PDE4D: variants seen among roughly 807,000 people sequenced by gnomAD.
PDE4D encodes the protein phosphodiesterase 4D.
PDE4D carries 24 observed loss-of-function variants against 87.4 expected under a neutral mutation model. The observed-to-expected ratio is 0.27, with a 90% CI of 0.20 to 0.39. The LOEUF (loss-of-function observed/expected upper bound fraction) is 0.39, where lower values mean the gene tolerates loss of function less well. PDE4D is among the 10% of genes least tolerant of loss of function. The probability of loss-of-function intolerance (pLI) is 1.00; values close to 1 mark genes in which losing one functional copy is unlikely to be tolerated. For missense variants in PDE4D, 714 were observed against 1,041.0 expected (o/e 0.69, Z 4.32); for synonymous variants, 384 against 383.2 (o/e 1.00, Z -0.02).
At chr5:60,193,631 C>A (rs1785380089) in intron 1 of PDE4D, among the ~76,000 whole-genome samples, 1 of 121,518 alleles carries the variant, frequency 8.2e-6, no homozygotes, top group African/African-American at 3.2e-5. Flanking sequence ...GAGATTGCGC[C>A]ACTGCACTCC....
chr5:60,345,041 G>C (rs1228555006), intron 1 of PDE4D, among the ~76,000 whole-genome samples: 1 of 151,632 alleles, frequency 6.6e-6, no homozygotes, highest in Non-Finnish European at 1.5e-5. Context: ...ATGTAGTTGA[G>C]ATTATACTAT....
At chr5:59,356,962 T>C in intron 1 of PDE4D, 1 of 1,320,726 alleles carries the variant, frequency 7.6e-7, no homozygotes, top group Non-Finnish European at 9.8e-7. Flanking sequence ...GTGAGGGCAT[T>C]TCCTTTGTGC....
intron 2 of PDE4D, among the ~76,000 whole-genome samples, chr5:60,137,312 A>G (rs1780140244): frequency 6.6e-6 from 1 of 152,208 alleles, no homozygotes; most frequent in Non-Finnish European, 1.5e-5. Flanking sequence ...TTGGGTATAT[A>G]CCCAGTAATG....
chr5:59,767,064 T>A (rs1396856135), intron 1 of PDE4D, among the ~76,000 whole-genome samples: 1 of 152,234 alleles, frequency 6.6e-6, no homozygotes, highest in Admixed American at 6.5e-5. Flanking sequence ...ATAACATCAA[T>A]GCATTCCTGA....
chr5:60,228,977 A>C (rs562891346), intron 1 of PDE4D, among the ~76,000 whole-genome samples: 110 of 152,228 alleles, frequency 7.2e-4, no homozygotes, highest in Non-Finnish European at 1.5e-5. Context: ...ATTAAATTTT[A>C]GGGCATTTGT....
chr5:59,380,835 G>A (rs777742724), intron 1 of PDE4D, among the ~76,000 whole-genome samples: 1 of 151,930 alleles, frequency 6.6e-6, no homozygotes, highest in Non-Finnish European at 1.5e-5. Context: ...GCTAGGTAGG[G>A]GTTGGAAAAC....
chr5:59,847,460 G>A (rs939436628), intron 1 of PDE4D, among the ~76,000 whole-genome samples: 6 of 152,042 alleles, frequency 3.9e-5, no homozygotes, highest in African/African-American at 9.7e-5. Context: ...TACGGGGAGG[G>A]TACCAGTTCA....
intron 1 of PDE4D, among the ~76,000 whole-genome samples, chr5:60,286,727 C>T (rs999297980): frequency 5.9e-5 from 9 of 152,032 alleles, no homozygotes; most frequent in Admixed American, 4.6e-4. Flanking sequence ...AAGAAGCCTC[C>T]GAAACAATCT....
intron 1 of PDE4D, among the ~76,000 whole-genome samples, chr5:59,583,630 C>T (rs1219037084): frequency 6.6e-6 from 1 of 152,174 alleles, no homozygotes. Flanking sequence ...TTCTATTAAA[C>T]CAAGTAATAG....
At chr5:59,606,100 G>C (rs1300812780) in intron 1 of PDE4D, among the ~76,000 whole-genome samples, 1 of 151,980 alleles carries the variant, frequency 6.6e-6, no homozygotes, top group Non-Finnish European at 1.5e-5. Flanking sequence ...TATACATGAA[G>C]TAAGAGTGTT....
At chr5:59,711,230 A>G (rs1237450938) in intron 1 of PDE4D, among the ~76,000 whole-genome samples, 1 of 152,274 alleles carries the variant, frequency 6.6e-6, no homozygotes, top group East Asian at 1.9e-4. Context: ...GCAAGCTGAC[A>G]TATCACACTT....
chr5:59,908,858 G>A (rs1753131031), intron 3 of PDE4D, among the ~76,000 whole-genome samples: 1 of 152,090 alleles, frequency 6.6e-6, no homozygotes, highest in Non-Finnish European at 1.5e-5. Context: ...CTAATTATTA[G>A]AATACACTTG....
intron 2 of PDE4D, among the ~76,000 whole-genome samples, chr5:60,065,531 T>C (rs967715949): frequency 6.6e-6 from 1 of 151,874 alleles, no homozygotes; most frequent in Non-Finnish European, 1.5e-5. Flanking sequence ...TGGTATGCTG[T>C]ACCCATTAAC....
chr5:59,976,183 A>C (rs1761312524), intron 3 of PDE4D, among the ~76,000 whole-genome samples: 1 of 152,162 alleles, frequency 6.6e-6, no homozygotes, highest in Non-Finnish European at 1.5e-5. Flanking sequence ...CAGTATATTT[A>C]CCAGAATCCC....
intron 1 of PDE4D, among the ~76,000 whole-genome samples, chr5:60,508,582 G>A (rs1246814805): frequency 6.6e-6 from 1 of 152,198 alleles, no homozygotes; most frequent in Non-Finnish European, 1.5e-5. Flanking sequence ...TGTTTACAGA[G>A]TTGATTCTTG....
chr5:59,645,606 T>G (rs1742312250), intron 1 of PDE4D, among the ~76,000 whole-genome samples: 1 of 152,184 alleles, frequency 6.6e-6, no homozygotes, highest in Admixed American at 6.5e-5. Context: ...CGAACACACC[T>G]GATTACCATG....
intron 1 of PDE4D, among the ~76,000 whole-genome samples, chr5:59,407,573 G>T (rs1368529119): frequency 6.6e-6 from 1 of 152,208 alleles, no homozygotes; most frequent in African/African-American, 2.4e-5. Flanking sequence ...AAGGCAGGGA[G>T]ATGAGGAAAA....
chr5:60,359,908 C>T (rs1455845374), intron 1 of PDE4D, among the ~76,000 whole-genome samples: 1 of 152,194 alleles, frequency 6.6e-6, no homozygotes, highest in Non-Finnish European at 1.5e-5. Context: ...CATGCTCCTT[C>T]CTCACATTCA....
At chr5:59,518,160 A>G (rs1811499694) in intron 1 of PDE4D, among the ~76,000 whole-genome samples, 1 of 150,934 alleles carries the variant, frequency 6.6e-6, no homozygotes, top group African/African-American at 2.4e-5. Context: ...ATCCTACCAG[A>G]TTGAATAAGT....
Sources: allele counts gnomAD v4.1 joint callset (sites outside exome capture counted in the v4.1 genomes callset), GRCh38; gene constraint gnomAD v4.1.1; transcripts MANE v1.5; gene names NCBI Gene and HGNC (gene_info 2026-07-23, HGNC 2026-07-21).